Variants in MAP2K5 observed in about 807,000 individuals in gnomAD.
The protein encoded by MAP2K5 is dual specificity mitogen-activated protein kinase kinase 5.
Under a neutral mutation model 83.1 loss-of-function variants are expected in MAP2K5, and 49 were observed. The ratio of observed to expected loss-of-function variants is 0.59; its 90% CI spans 0.47 to 0.75. The LOEUF (loss-of-function observed/expected upper bound fraction) is 0.75, where lower values mean the gene tolerates loss of function less well. Among genes scored for constraint, MAP2K5 ranks in the 30% least tolerant of loss-of-function variants. MAP2K5 has a pLI of 0.00. For missense variants in MAP2K5, 457 were observed against 557.5 expected (o/e 0.82, Z 1.82); for synonymous variants, 202 against 191.8 (o/e 1.05, Z -0.44).
rs1377373909 is a variant in MAP2K5, at chr15:67,560,480, A to C, written c.185-2803A>C. Among the ~76,000 whole-genome samples the C allele has an allele frequency of 2.6e-5, 4 of 152,254 alleles. No individual in the cohort carries two copies. The East Asian group carries it at 7.7e-4, about 29-fold the overall frequency. ...TCCTATTAACCCACAACAACTATTC[A>C]TCAGTATGCCATATAAGCCTGATTT... On this transcript the variant is annotated intron_variant, in intron 2 of 21. Coordinates refer to ENST00000178640, the MANE Select transcript of MAP2K5 (RefSeq NM_145160.3).
intron 6 of MAP2K5, among the ~76,000 whole-genome samples, chr15:67,590,436 TCC>T (rs1293351574): frequency 8.7e-5 from 6 of 68,878 alleles, no homozygotes; most frequent in African/African-American, 2.3e-4. Flanking sequence ...CCTCTCTCTC[TCC>T]CTCCCTCCCT....
intron 8 of MAP2K5, among the ~76,000 whole-genome samples, chr15:67,606,371 A>G (rs559847961): frequency 2.0e-5 from 3 of 152,238 alleles, no homozygotes; most frequent in Admixed American, 6.5e-5. Context: ...AGGATAGAGT[A>G]AGAGTCTGAT....
At chr15:67,697,228 T>G (rs1260509177) in intron 15 of MAP2K5, among the ~76,000 whole-genome samples, 1 of 152,216 alleles carries the variant, frequency 6.6e-6, no homozygotes, top group African/African-American at 2.4e-5. Flanking sequence ...TCATGCATAC[T>G]TCTGTATAGT....
In MAP2K5 at chr15:67,577,886, G is replaced by C. The variant is rs1206677721; in HGVS notation, c.253-2868G>C. ...CCAGTGGTGGGTGCCTGTAATCCCA[G>C]CTACTTGGGAGGCTGAGGCAGGAGA... On this transcript the variant is annotated intron_variant, in intron 3 of 21. Transcript: ENST00000178640. This position sits in a 1 kb window ranked among gnomAD's most constrained non-coding sequence, Gnocchi z 4.1. 1.3e-5 allele frequency among the ~76,000 whole-genome samples: 2 copies of C among 152,150 alleles called. No homozygotes were observed. The highest frequency in any genetic ancestry group is 4.8e-5 in the African/African-American group (2 of 41,432).
chr15:67,583,714 G>A (rs926118767), intron 4 of MAP2K5, among the ~76,000 whole-genome samples: 1 of 151,206 alleles, frequency 6.6e-6, no homozygotes, highest in Non-Finnish European at 1.5e-5. Context: ...GACTGAACAA[G>A]TAGGAAGGAT....
intron 6 of MAP2K5, 21 bp downstream of exon 6, chr15:67,586,934 T>C: frequency 6.2e-7 from 1 of 1,613,486 alleles, no homozygotes; most frequent in Non-Finnish European, 8.5e-7. Flanking sequence ...GCAAGTAAAG[T>C]GTGCCCTTGA....
At chr15:67,641,633 G>T in intron 9 of MAP2K5, 1 of 989,932 alleles carries the variant, frequency 1.0e-6, no homozygotes, top group Non-Finnish European at 1.2e-6. Flanking sequence ...TGGAGGTGTA[G>T]TGGAGAGCAG....
chr15:67,801,153 A>T lies in MAP2K5; in HGVS notation c.1243-5493A>T, dbSNP rs1340690215. ...TGTGAGAAGGGACAGAAGTGTTATC[A>T]CAGCCAAGCGGGCTGGAATCCTAAA... On this transcript the variant is annotated intron_variant, in intron 21 of 21. Transcript: ENST00000178640. The surrounding 1 kb of genome is among the most constrained non-coding windows in gnomAD (Gnocchi z 4.8). Among the ~76,000 whole-genome samples, 1 of 152,160 alleles carries T rather than the reference A, an allele frequency of 6.6e-6. No homozygotes were observed. Among genetic ancestry groups the T allele is most frequent in the Non-Finnish European group, 1.5e-5 (1 of 68,028 alleles).
rs1290971267 is a variant in MAP2K5 at position 67,573,869 on chromosome 15, G to A, written c.253-6885G>A. Among the ~76,000 whole-genome samples the A allele has an allele frequency of 6.6e-6, 1 of 152,180 alleles. No homozygotes were observed. The highest frequency in any genetic ancestry group is 1.5e-5 in the Non-Finnish European group (1 of 68,042). On this transcript the variant is annotated intron_variant, in intron 3 of 21. Coordinates refer to ENST00000178640, the MANE Select transcript of MAP2K5 (RefSeq NM_145160.3). The surrounding 1 kb of genome is among the most constrained non-coding windows in gnomAD (Gnocchi z 4.2). ...TGAATAATCCTGTGTCACCAGCCTTGTAGTGCAGCGCATCTCCTCCATATG... is the reference window on the plus strand; with the variant it reads ...TGAATAATCCTGTGTCACCAGCCTTATAGTGCAGCGCATCTCCTCCATATG...
intron 8 of MAP2K5, among the ~76,000 whole-genome samples, chr15:67,619,536 C>A (rs1596660006): frequency 6.6e-6 from 1 of 152,294 alleles, no homozygotes; most frequent in South Asian, 2.1e-4. Flanking sequence ...TAGTAATGAA[C>A]AAAATGGACC....
chr15:67,565,391 G>C lies in MAP2K5; in HGVS notation c.252+2041G>C, dbSNP rs2084816927. ...ATTACAGGCACCCACCACCATGCCT[G>C]GCTAATTTTTGTATTTTTAGTAGAG... On this transcript the variant is annotated intron_variant, in intron 3 of 21. Coordinates refer to ENST00000178640, the MANE Select transcript of MAP2K5 (RefSeq NM_145160.3). This position sits in a 1 kb window ranked among gnomAD's most constrained non-coding sequence, Gnocchi z 4.1. Among the ~76,000 whole-genome samples, 1 of 151,998 alleles carries C rather than the reference G, an allele frequency of 6.6e-6. No homozygotes were observed. The highest frequency in any genetic ancestry group is 1.5e-5 in the Non-Finnish European group (1 of 67,998).
intron 1 of MAP2K5, among the ~76,000 whole-genome samples, chr15:67,544,169 A>G (rs904239389): frequency 2.0e-5 from 3 of 152,222 alleles, no homozygotes; most frequent in Admixed American, 2.0e-4. Context: ...CTGAGATTAC[A>G]GGTGTGAGTT....
chr15:67,667,538 T>C (rs1482626220), intron 13 of MAP2K5, among the ~76,000 whole-genome samples: 1 of 152,110 alleles, frequency 6.6e-6, no homozygotes, highest in Non-Finnish European at 1.5e-5. Flanking sequence ...GAAAAGAAGA[T>C]GGTGAAAGAG....
intron 2 of MAP2K5, among the ~76,000 whole-genome samples, chr15:67,558,403 C>T (rs936893844): frequency 3.3e-5 from 5 of 152,232 alleles, no homozygotes; most frequent in Admixed American, 2.0e-4. Context: ...CATCATCTCT[C>T]ACCGGGATTA....
At chr15:67,684,831 C>A (rs1358873653) in intron 13 of MAP2K5, among the ~76,000 whole-genome samples, 2 of 151,986 alleles carry the variant, frequency 1.3e-5, no homozygotes, top group African/African-American at 4.8e-5. Context: ...ATGGAATTAA[C>A]TGAATTAGAC....
intron 1 of MAP2K5, among the ~76,000 whole-genome samples, chr15:67,548,218 C>G (rs959037170): frequency 6.6e-6 from 1 of 152,204 alleles, no homozygotes; most frequent in African/African-American, 2.4e-5. Flanking sequence ...GTTCACATCT[C>G]AAGATCGGAG....
At chr15:67,725,897 A>C (rs1026858775) in intron 16 of MAP2K5, among the ~76,000 whole-genome samples, 1 of 152,196 alleles carries the variant, frequency 6.6e-6, no homozygotes. Flanking sequence ...TATTGAAAGG[A>C]GGTGGGGTGG....
At position 67,543,762 on chromosome 15, in the gene MAP2K5, A is replaced by T. The variant is rs113281158; in HGVS notation, c.135+292A>T. Among the ~76,000 whole-genome samples, 279 of 152,328 alleles carry T rather than the reference A, an allele frequency of 1.8e-3. No homozygotes were observed. The highest frequency in any genetic ancestry group is 6.5e-3 in the African/African-American group (271 of 41,568). ...CAACCACGCAAATGCAAACTGCTGA[A>T]TCTAGAAGAGAGGTTTTTTCCCCCC... On this transcript the variant is annotated intron_variant, in intron 1 of 21. Transcript: ENST00000178640. The surrounding 1 kb of genome is among the most constrained non-coding windows in gnomAD (Gnocchi z 4.3).
In MAP2K5 at chr15:67,802,873, C is replaced by T. The variant is rs1275133976; in HGVS notation, c.1243-3773C>T. ...GCCTGGGAGGGATGTACATTTCACC[C>T]AAGCCCAGGGGAGGGACCAGCCGCA... On this transcript the variant is annotated intron_variant, in intron 21 of 21. Coordinates refer to ENST00000178640, the MANE Select transcript of MAP2K5 (RefSeq NM_145160.3). This position sits in a 1 kb window ranked among gnomAD's most constrained non-coding sequence, Gnocchi z 5.0. Among the ~76,000 whole-genome samples the T allele has an allele frequency of 6.6e-6, 1 of 152,204 alleles. No individual in the cohort carries two copies. The highest frequency in any genetic ancestry group is 2.4e-5 in the African/African-American group (1 of 41,444).
Sources: gnomAD v4.1 joint callset for allele counts (sites outside exome capture counted in the v4.1 genomes callset) on GRCh38, gnomAD v4.1.1 for gene constraint, Gnocchi (gnomAD v3.1) non-coding constraint, MANE v1.5 for transcripts, NCBI Gene and HGNC (gene_info 2026-07-23, HGNC 2026-07-21) for gene names.